Variants in AGMO observed in about 807,000 individuals in gnomAD.
AGMO encodes alkylglycerol monooxygenase.
AGMO carries 75 observed loss-of-function variants against 60.2 expected under a neutral mutation model. The observed-to-expected ratio is 1.25, with a 90% CI of 1.03 to 1.51. AGMO has a LOEUF of 1.51. Ranked by LOEUF, AGMO falls within the 40% of genes most tolerant of loss-of-function variation. The pLI, the probability that AGMO is intolerant of heterozygous loss-of-function variation, is 0.00. For missense variants in AGMO, 763 were observed against 525.5 expected, an observed-to-expected ratio of 1.45 and a Z score of -4.42; for synonymous variants, 261 against 177.1, an observed-to-expected ratio of 1.47 and a Z score of -3.76.
intron 12 of AGMO, among the ~76,000 whole-genome samples, chr7:15,205,761 A>C (rs574044325): frequency 6.6e-6 from 1 of 152,228 alleles, no homozygotes; most frequent in East Asian, 1.9e-4. Flanking sequence ...TATTTCCTAA[A>C]ATTTCCCTAA....
chr7:15,372,485 A>C (rs1783260112), intron 10 of AGMO, among the ~76,000 whole-genome samples: 1 of 152,132 alleles, frequency 6.6e-6, no homozygotes, highest in Non-Finnish European at 1.5e-5. Context: ...AATTCTACAA[A>C]TTCATTCCAT....
At chr7:15,447,449 T>C (rs549983204) in intron 3 of AGMO, among the ~76,000 whole-genome samples, 94 of 152,324 alleles carry the variant, frequency 6.2e-4, no homozygotes, top group African/African-American at 1.8e-3. Context: ...TTAAGAACCA[T>C]TGAACCCCAT....
chr7:15,378,163 G>C (rs753102196), intron 10 of AGMO, among the ~76,000 whole-genome samples: 1 of 151,946 alleles, frequency 6.6e-6, no homozygotes, highest in Non-Finnish European at 1.5e-5. Context: ...TTCTGCTACA[G>C]TAATACAAGT....
At chr7:15,309,348 G>A (rs1300228472) in intron 12 of AGMO, among the ~76,000 whole-genome samples, 2 of 152,128 alleles carry the variant, frequency 1.3e-5, no homozygotes, top group South Asian at 2.1e-4. Context: ...ATCAGCAGAG[G>A]GGAAATACTT....
chr7:15,459,672 T>A (rs941522244), intron 3 of AGMO, among the ~76,000 whole-genome samples: 2 of 143,318 alleles, frequency 1.4e-5, no homozygotes, highest in African/African-American at 5.1e-5. Context: ...GTCATGAATT[T>A]AATAATTTTT....
intron 10 of AGMO, among the ~76,000 whole-genome samples, chr7:15,382,718 GA>G (rs1012256062): frequency 1.2e-4 from 18 of 152,156 alleles, no homozygotes; most frequent in African/African-American, 4.3e-4. Flanking sequence ...ATCAATCCTG[GA>G]AACACTTGCC....
At chr7:15,488,657 G>A (rs1303703150) in intron 3 of AGMO, among the ~76,000 whole-genome samples, 1 of 152,122 alleles carries the variant, frequency 6.6e-6, no homozygotes, top group East Asian at 1.9e-4. Flanking sequence ...ACTTAATAGT[G>A]CTGAACAGAT....
the AGMO span, among the ~76,000 whole-genome samples, chr7:15,172,561 T>C: frequency 6.6e-6 from 1 of 152,220 alleles, no homozygotes; most frequent in African/African-American, 2.4e-5. Context: ...CTGATATTTA[T>C]TGCGATGTTC....
intron 5 of AGMO, 134 bp from the exon 6 acceptor site, chr7:15,394,313 A>G: frequency 1.5e-6 from 1 of 682,066 alleles, no homozygotes; most frequent in Non-Finnish European, 2.5e-6. Flanking sequence ...AGAGTGGAAA[A>G]AAGTTCCACT....
At chr7:15,547,628 C>G (rs936275209) in intron 2 of AGMO, among the ~76,000 whole-genome samples, 18 of 152,128 alleles carry the variant, frequency 1.2e-4, no homozygotes, top group African/African-American at 4.1e-4. Context: ...AAACGGCGCA[C>G]CACGAGATTA....
chr7:15,347,801 A>T (rs1293466350), intron 12 of AGMO, among the ~76,000 whole-genome samples: 1 of 152,070 alleles, frequency 6.6e-6, no homozygotes, highest in Admixed American at 6.6e-5. Context: ...GACTCCTGAG[A>T]GTTTCAGTCT....
chr7:15,191,701 A>G, the AGMO span, among the ~76,000 whole-genome samples: 1 of 152,198 alleles, frequency 6.6e-6, no homozygotes, highest in Non-Finnish European at 1.5e-5. Context: ...AATTTTTAAA[A>G]TCACTTTACT....
At position 15,201,122 on chromosome 7, in the gene AGMO, AAAT is replaced by A. The variant is rs1405781951; in HGVS notation, c.*160_*162del. On this transcript the variant is annotated 3_prime_UTR_variant, in exon 13 of 13. Coordinates refer to ENST00000342526, the MANE Select transcript of AGMO (RefSeq NM_001004320.2). ...AAAACTGACTTTAATTTTTAATAGAAAATAACAAATGTGAAAGGCAAACAATAG... is the reference window on the plus strand; with the variant it reads ...AAAACTGACTTTAATTTTTAATAGAAAACAAATGTGAAAGGCAAACAATAG... 1 of 463,456 alleles carries A rather than the reference AAAT, an allele frequency of 2.2e-6. No individual in the cohort carries two copies. The highest frequency in any genetic ancestry group is 2.0e-5 in the African/African-American group (1 of 49,428). The allele number at this position is 463,456 out of a possible 1,614,324, so 28.7% of individuals were successfully genotyped here.
chr7:15,465,760 G>C (rs1288339252), intron 3 of AGMO, among the ~76,000 whole-genome samples: 9 of 151,742 alleles, frequency 5.9e-5, no homozygotes, highest in Admixed American at 5.3e-4. Context: ...ATATTTAAGA[G>C]TCAATCTATG....
At chr7:15,207,766 C>G (rs1583292214) in intron 12 of AGMO, among the ~76,000 whole-genome samples, 1 of 152,138 alleles carries the variant, frequency 6.6e-6, no homozygotes, top group African/African-American at 2.4e-5. Context: ...AACCACGTCT[C>G]TGCTAAAAAT....
At chr7:15,421,053 G>A (rs774922636) in intron 4 of AGMO, among the ~76,000 whole-genome samples, 6 of 152,128 alleles carry the variant, frequency 3.9e-5, no homozygotes, top group East Asian at 1.9e-4. Context: ...TGAACGTGGC[G>A]AGCAGGGGTT....
chr7:15,298,154 T>A (rs1054868709), intron 12 of AGMO, among the ~76,000 whole-genome samples: 5 of 152,040 alleles, frequency 3.3e-5, no homozygotes, highest in African/African-American at 1.2e-4. Flanking sequence ...GATAGACTAC[T>A]TGTGTATAAC....
chr7:15,259,761 C>T (rs1783211792), intron 12 of AGMO, among the ~76,000 whole-genome samples: 1 of 151,646 alleles, frequency 6.6e-6, no homozygotes, highest in African/African-American at 2.4e-5. Flanking sequence ...TTTTAGTCTC[C>T]TTAAACAAAA....
intron 3 of AGMO, among the ~76,000 whole-genome samples, chr7:15,452,774 C>G (rs370654801): frequency 2.6e-5 from 4 of 152,272 alleles, no homozygotes; most frequent in African/African-American, 7.2e-5. Flanking sequence ...ACAAATCTTG[C>G]ACACAGATGC....
Sources: allele counts gnomAD v4.1 joint callset (sites outside exome capture counted in the v4.1 genomes callset), GRCh38; gene constraint gnomAD v4.1.1; transcripts MANE v1.5; gene names NCBI Gene and HGNC (gene_info 2026-07-23, HGNC 2026-07-21).